The following UGT1A5 variants were observed in gnomAD, a reference collection of about 807,000 sequenced individuals.
The protein encoded by UGT1A5 is UDP glucuronosyltransferase family 1 member A5, also known as UDP-glucuronosyltransferase 1A5.
A neutral mutation model predicts 40.3 loss-of-function variants in UGT1A5; 29 were observed. The observed-to-expected ratio is 0.72, with a 90% confidence interval of 0.54 to 0.98. The LOEUF is 0.98. Ranked by LOEUF, UGT1A5 falls within the 50% of genes least tolerant of loss-of-function variation. The pLI, the probability that UGT1A5 is intolerant of heterozygous loss-of-function variation, is 0.00. For synonymous variants in UGT1A5, 257 were observed against 262.5 expected (o/e 0.98, Z 0.20); for missense variants, 678 against 677.9 (o/e 1.00, Z 0.00).
At chr2:233,764,795 T>C (rs148070412) in intron 1 of UGT1A5, among the ~76,000 whole-genome samples, 7 of 152,082 alleles carry the variant, frequency 4.6e-5, no homozygotes, top group Non-Finnish European at 7.4e-5. Flanking sequence ...CCTCAGGGTG[T>C]TCTTGCTACA....
At chr2:233,745,258 A>T (rs1322135753) in intron 1 of UGT1A5, among the ~76,000 whole-genome samples, 2 of 151,808 alleles carry the variant, frequency 1.3e-5, no homozygotes, top group East Asian at 1.9e-4. Flanking sequence ...AACCATTAAG[A>T]CTTGCAGGCC....
chr2:233,726,034 C>T (rs1279276362), intron 1 of UGT1A5, among the ~76,000 whole-genome samples: 3 of 152,170 alleles, frequency 2.0e-5, no homozygotes, highest in East Asian at 1.9e-4. Flanking sequence ...GGTGTGATGG[C>T]GCACACCTGT....
At chr2:233,728,581 G>A (rs1575575973) in intron 1 of UGT1A5, among the ~76,000 whole-genome samples, 1 of 152,156 alleles carries the variant, frequency 6.6e-6, no homozygotes, top group Non-Finnish European at 1.5e-5. Context: ...TGCGAAAAAC[G>A]ACCAAAACCA....
intron 1 of UGT1A5, among the ~76,000 whole-genome samples, chr2:233,724,139 G>A (rs2077174817): frequency 8.1e-6 from 1 of 123,450 alleles, no homozygotes; most frequent in South Asian, 2.8e-4. Context: ...TCCCGGACGG[G>A]GCGGCTGGCC....
chr2:233,742,362 A>G (rs536204491), intron 1 of UGT1A5, among the ~76,000 whole-genome samples: 1 of 152,110 alleles, frequency 6.6e-6, no homozygotes, highest in South Asian at 2.1e-4. Context: ...TGCAGCAGAA[A>G]CATGTCCTTA....
intron 1 of UGT1A5, chr2:233,754,823 A>T (rs1695601999): frequency 7.5e-7 from 1 of 1,338,226 alleles, no homozygotes; most frequent in South Asian, 1.2e-5. Flanking sequence ...CACCCTCAAA[A>T]GCTGGAAATT....
intron 1 of UGT1A5, among the ~76,000 whole-genome samples, chr2:233,763,058 A>G (rs1698227162): frequency 6.6e-6 from 1 of 152,176 alleles, no homozygotes. Context: ...ATTGATTTAG[A>G]TAATTTCCTT....
chr2:233,729,996 C>A (rs766095782), intron 1 of UGT1A5: 2 of 1,613,996 alleles, frequency 1.2e-6, no homozygotes, highest in Non-Finnish European at 1.7e-6. Flanking sequence ...TATCTCAGGT[C>A]TGTATTGGTG....
At chr2:233,763,682 G>T (rs17864705) in intron 1 of UGT1A5, among the ~76,000 whole-genome samples, 10,348 of 152,178 alleles carry the variant, frequency 0.068, 497 homozygotes, top group East Asian at 0.2. Context: ...TAAGAATAAA[G>T]ATAAAACTTT....
chr2:233,736,583 G>C (rs1481937914), intron 1 of UGT1A5, among the ~76,000 whole-genome samples: 3 of 152,232 alleles, frequency 2.0e-5, no homozygotes, highest in Non-Finnish European at 4.4e-5. Context: ...CTTTGGAGGA[G>C]ATGTGCTTAT....
At chr2:233,731,985 C>T (rs770013724) in intron 1 of UGT1A5, among the ~76,000 whole-genome samples, 2 of 152,098 alleles carry the variant, frequency 1.3e-5, no homozygotes, top group Admixed American at 6.6e-5. Flanking sequence ...TTCTAACTGG[C>T]GTGAGATGGT....
At chr2:233,724,307 C>CCCGGACGGGGCGGCTGG (rs2077215431) in intron 1 of UGT1A5, among the ~76,000 whole-genome samples, 2 of 146,974 alleles carry the variant, frequency 1.4e-5, no homozygotes, top group African/African-American at 5.0e-5. Context: ...CCACCTCCCT[C>CCCGGACGGGGCGGCTGG]CCGGACGGGG....
Position 233,734,700 on chromosome 2 carries a change from T to TTG in UGT1A5, c.867+20842_867+20843insTG, listed in dbSNP as rs1319489997. Among the ~76,000 whole-genome samples the TTG allele has an allele frequency of 9.9e-3, 1,501 of 152,266 alleles. 21 individuals carry two copies. Among genetic ancestry groups the TTG allele is most frequent in the African/African-American group, 0.034 (1,432 of 41,556 alleles). ...ACTGATTTAAATGTGTCCCAGAGATTCTGGTATGTTGTGTCTTTGTTCTCG... is the reference window on the plus strand; with the variant it reads ...ACTGATTTAAATGTGTCCCAGAGATTTGCTGGTATGTTGTGTCTTTGTTCTCG... On this transcript the variant is annotated intron_variant, in intron 1 of 4. Coordinates refer to ENST00000373414, the MANE Select transcript of UGT1A5 (RefSeq NM_019078.2).
At chr2:233,719,476 C>T (rs1220273239) in intron 1 of UGT1A5, 3 of 1,613,886 alleles carry the variant, frequency 1.9e-6, no homozygotes, top group African/African-American at 2.7e-5. Flanking sequence ...TACCCTCTGG[C>T]CCTGTCCTAC....
intron 1 of UGT1A5, among the ~76,000 whole-genome samples, chr2:233,740,081 G>A (rs375117222): frequency 1.3e-5 from 2 of 151,740 alleles, no homozygotes; most frequent in African/African-American, 2.4e-5. Flanking sequence ...TCTGTCTCTC[G>A]CCTGCTGCCA....
chr2:233,751,777 A>C (rs1694808291), intron 1 of UGT1A5, among the ~76,000 whole-genome samples: 1 of 152,126 alleles, frequency 6.6e-6, no homozygotes, highest in South Asian at 2.1e-4. Flanking sequence ...GACTTTGCTT[A>C]TCTCTCACCT....
At chr2:233,738,529 A>G (rs1383931470) in intron 1 of UGT1A5, among the ~76,000 whole-genome samples, 2 of 152,226 alleles carry the variant, frequency 1.3e-5, no homozygotes, top group African/African-American at 4.8e-5. Context: ...TGGACAATGA[A>G]GTCCAGGCTG....
intron 1 of UGT1A5, chr2:233,719,366 T>C (rs755765177): frequency 3.1e-6 from 5 of 1,613,968 alleles, no homozygotes; most frequent in South Asian, 1.1e-5. Flanking sequence ...ACTTAGACTT[T>C]AAGGGCACAC....
At chr2:233,759,114 A>T (rs1268154790) in intron 1 of UGT1A5, among the ~76,000 whole-genome samples, 1 of 152,228 alleles carries the variant, frequency 6.6e-6, no homozygotes, top group Non-Finnish European at 1.5e-5. Context: ...CAAACCAGGG[A>T]GTTACAGCCT....
Sources: gnomAD v4.1 joint callset for allele counts (sites outside exome capture counted in the v4.1 genomes callset) on GRCh38, gnomAD v4.1.1 for gene constraint, MANE v1.5 for transcripts, NCBI Gene and HGNC (gene_info 2026-07-23, HGNC 2026-07-21) for gene names.